SHROOM3: variants seen among roughly 807,000 people sequenced by gnomAD.
SHROOM3 encodes the protein protein Shroom3.
In SHROOM3, 47 loss-of-function variants were observed where a neutral mutation model predicts 138.6. That is an observed-to-expected ratio of 0.34 (90% CI 0.27 to 0.43). SHROOM3 has a LOEUF of 0.43. SHROOM3 is among the 20% of genes least tolerant of loss of function. The probability of loss-of-function intolerance (pLI) is 1.00; values close to 1 mark genes in which losing one functional copy is unlikely to be tolerated. For missense variants in SHROOM3, 2,491 were observed against 2,596.5 expected, an observed-to-expected ratio of 0.96 and a Z score of 0.88; for synonymous variants, 1,062 against 1,063.3, an observed-to-expected ratio of 1.00 and a Z score of 0.02.
At chr4:76,525,296 G>A (rs1031797820) in intron 1 of SHROOM3, among the ~76,000 whole-genome samples, 1 of 152,148 alleles carries the variant, frequency 6.6e-6, no homozygotes, top group African/African-American at 2.4e-5. Context: ...CAAGGGAAAT[G>A]CCAGACACTT....
chr4:76,578,086 G>A, intron 2 of SHROOM3, among the ~76,000 whole-genome samples: 1 of 152,006 alleles, frequency 6.6e-6, no homozygotes, highest in East Asian at 1.9e-4. Context: ...TTATGCTCCT[G>A]GTTAAGAAAA....
rs756851629 is a variant in SHROOM3, at chr4:76,710,248, C to T, written c.416C>T (p.Ala139Val). The T allele has an allele frequency of 2.5e-6, 4 of 1,614,126 alleles. No individual in the cohort carries two copies. Among genetic ancestry groups the T allele is most frequent in the Non-Finnish European group, 3.4e-6 (4 of 1,180,004 alleles). Residue 139 changes from alanine (A) to valine (V), a missense_variant, in exon 3 of 11, where the codon GCA becomes GTA. Physicochemically the swap from Ala to Val is moderately conservative, Grantham distance 64. Transcript: ENST00000296043. ...HLTSGPQHRK[A>V]AWSGGVKLRL... ...ACCTCTGGCCCCCAGCACAGGAAAG[C>T]AGCGTGGTCAGGAGGGGTTAAACTT...
At chr4:76,530,929 A>G (rs537543372) in intron 1 of SHROOM3, among the ~76,000 whole-genome samples, 1 of 152,272 alleles carries the variant, frequency 6.6e-6, no homozygotes, top group African/African-American at 2.4e-5. Context: ...AAAAAGAAAA[A>G]GTTGCCAAGG....
chr4:76,765,966 T>C (rs1046429898), intron 9 of SHROOM3, among the ~76,000 whole-genome samples: 1 of 152,212 alleles, frequency 6.6e-6, no homozygotes, highest in Admixed American at 6.5e-5. Flanking sequence ...GAAACTAATA[T>C]CATATGTTGT....
chr4:76,684,692 CAA>C (rs1719289190), intron 2 of SHROOM3, among the ~76,000 whole-genome samples: 1 of 152,174 alleles, frequency 6.6e-6, no homozygotes, highest in African/African-American at 2.4e-5. Context: ...AGCTGCCACA[CAA>C]AGAGACCTTA....
chr4:76,710,856 T>G (rs1458985254), intron 3 of SHROOM3, among the ~76,000 whole-genome samples: 1 of 152,198 alleles, frequency 6.6e-6, no homozygotes, highest in Non-Finnish European at 1.5e-5. Context: ...CATTAAATTC[T>G]CACACCAGCC....
chr4:76,526,910 T>C (rs1011891409), intron 1 of SHROOM3, among the ~76,000 whole-genome samples: 1 of 152,190 alleles, frequency 6.6e-6, no homozygotes, highest in Non-Finnish European at 1.5e-5. Flanking sequence ...TTCAGTGGAA[T>C]TTGTGGAATG....
At chr4:76,658,533 G>A (rs1164846570) in intron 2 of SHROOM3, among the ~76,000 whole-genome samples, 4 of 152,188 alleles carry the variant, frequency 2.6e-5, no homozygotes, top group Non-Finnish European at 5.9e-5. Context: ...TAGACAAACT[G>A]TTTCATACCA....
chr4:76,442,783 T>C (rs540532641), intron 1 of SHROOM3, among the ~76,000 whole-genome samples: 1 of 152,316 alleles, frequency 6.6e-6, no homozygotes, highest in East Asian at 1.9e-4. Context: ...AGACCCTTCA[T>C]TGATTCCTTT....
At chr4:76,438,520 C>A (rs536559001) in intron 1 of SHROOM3, among the ~76,000 whole-genome samples, 1 of 152,128 alleles carries the variant, frequency 6.6e-6, no homozygotes, top group South Asian at 2.1e-4. Flanking sequence ...TTCCAAGAGT[C>A]GTACTGTTCC....
intron 6 of SHROOM3, among the ~76,000 whole-genome samples, chr4:76,752,401 A>G: frequency 6.6e-6 from 1 of 152,210 alleles, no homozygotes; most frequent in East Asian, 1.9e-4. Context: ...TATTAACACT[A>G]CTGAACTTAA....
chr4:76,455,220 A>G (rs530153038), intron 1 of SHROOM3, among the ~76,000 whole-genome samples: 85 of 152,176 alleles, frequency 5.6e-4, no homozygotes, highest in Middle Eastern at 6.8e-3. Context: ...CTTATTCCTG[A>G]TTTCAGAGGA....
At chr4:76,651,611 C>T (rs1216341444) in intron 2 of SHROOM3, among the ~76,000 whole-genome samples, 1 of 151,864 alleles carries the variant, frequency 6.6e-6, no homozygotes, top group East Asian at 1.9e-4. Context: ...GTCTTTACCA[C>T]TTAAAGAATA....
chr4:76,534,672 C>A (rs1428460137), intron 1 of SHROOM3, among the ~76,000 whole-genome samples: 2 of 152,048 alleles, frequency 1.3e-5, no homozygotes, highest in Non-Finnish European at 2.9e-5. Flanking sequence ...GGGTAAGCAG[C>A]ATCCTTAGCC....
intron 2 of SHROOM3, among the ~76,000 whole-genome samples, chr4:76,568,441 C>T (rs1214309041): frequency 1.3e-5 from 2 of 152,178 alleles, no homozygotes; most frequent in African/African-American, 2.4e-5. Context: ...CTTCACTATC[C>T]TTCTATTCCC....
chr4:76,448,414 A>C (rs1579160374), intron 1 of SHROOM3, among the ~76,000 whole-genome samples: 1 of 152,132 alleles, frequency 6.6e-6, no homozygotes, highest in Admixed American at 6.5e-5. Context: ...CATTGGCTGG[A>C]CTTCCAGCTG....
Position 76,739,145 on chromosome 4 carries a change from C to G in SHROOM3, c.972C>G (p.Asn324Lys), listed in dbSNP as rs1252025921. ...GAGTCTCAGCAGAGTATGAGGTGAA[C>G]TCTTCAGCCCTGCTGCTTCAAGGTA... ...RRGVSAEYEV[N>K]SSALLLQGRE... The change falls in exon 5 of 11, where the codon AAC (asparagine) becomes AAG (lysine). Residue 324 changes from asparagine to lysine, a missense_variant. Transcript: ENST00000296043. The G allele has an allele frequency of 6.2e-7, 1 of 1,614,174 alleles. No individual in the cohort carries two copies. The highest frequency in any genetic ancestry group is 8.5e-7 in the Non-Finnish European group (1 of 1,180,016).
intron 3 of SHROOM3, among the ~76,000 whole-genome samples, chr4:76,715,158 C>T (rs1720336549): frequency 1.3e-5 from 2 of 152,142 alleles, no homozygotes; most frequent in African/African-American, 4.8e-5. Flanking sequence ...ACCTCATGAG[C>T]TAGTTCCAAG....
At chr4:76,708,731 G>A (rs996526057) in intron 2 of SHROOM3, among the ~76,000 whole-genome samples, 3 of 152,190 alleles carry the variant, frequency 2.0e-5, no homozygotes, top group African/African-American at 7.2e-5. Context: ...GCTGCTCAGT[G>A]GGTAGAGCCA....
Sources: gnomAD v4.1 joint callset for allele counts (sites outside exome capture counted in the v4.1 genomes callset) on GRCh38, gnomAD v4.1.1 for gene constraint, MANE v1.5 for transcripts, NCBI Gene and HGNC (gene_info 2026-07-23, HGNC 2026-07-21) for gene names.